CSMD3: variants seen among roughly 807,000 people sequenced by gnomAD.
CSMD3 encodes CUB and Sushi multiple domains 3.
A neutral mutation model predicts 435.2 loss-of-function variants in CSMD3; 177 were observed. The ratio of observed to expected loss-of-function variants is 0.41; its 90% CI spans 0.36 to 0.46. CSMD3 has a LOEUF of 0.46. Ranked by LOEUF, CSMD3 falls within the 20% of genes least tolerant of loss-of-function variation. The pLI, the probability that CSMD3 is intolerant of heterozygous loss-of-function variation, is 0.34. For synonymous variants in CSMD3, 1,656 were observed against 1,520.5 expected (o/e 1.09, Z -2.07); for missense variants, 4,265 against 4,504.6 (o/e 0.95, Z 1.52).
At chr8:112,991,929 A>G (rs2085471255) in intron 6 of CSMD3, among the ~76,000 whole-genome samples, 1 of 151,934 alleles carries the variant, frequency 6.6e-6, no homozygotes, top group African/African-American at 2.4e-5. Context: ...AGAAAGAACA[A>G]TCAGTGTTAA....
At chr8:113,360,153 A>G (rs564159727) in intron 1 of CSMD3, among the ~76,000 whole-genome samples, 172 of 152,266 alleles carry the variant, frequency 1.1e-3, no homozygotes, top group African/African-American at 3.9e-3. Flanking sequence ...TAATGCTTCT[A>G]AACAAGCATC....
intron 54 of CSMD3, among the ~76,000 whole-genome samples, chr8:112,295,381 T>C (rs1369578159): frequency 6.6e-6 from 1 of 152,088 alleles, no homozygotes; most frequent in East Asian, 1.9e-4. Context: ...GCTTCATCAG[T>C]ATATAATCTT....
At chr8:112,504,503 T>C (rs1268112073) in intron 29 of CSMD3, among the ~76,000 whole-genome samples, 2 of 152,134 alleles carry the variant, frequency 1.3e-5, no homozygotes, top group Admixed American at 1.3e-4. Flanking sequence ...AAAGTTGAAA[T>C]ATATTATTTA....
In CSMD3 at chr8:112,492,496, A is replaced by AC; in HGVS notation, c.5270dup (p.Ser1757ArgfsTer31). 6.2e-7 allele frequency: 1 copy of AC among 1,613,282 alleles called. No homozygotes were observed. Among genetic ancestry groups the AC allele is most frequent in the Non-Finnish European group, 8.5e-7 (1 of 1,179,226 alleles). ...AAAAAATATGTTCCTTACCATGACA[A>AC]CTTGGCAAGGCTCTATTCCATCCAG... On this transcript the variant is annotated frameshift_variant, in exon 31 of 71. Coordinates refer to ENST00000297405, the MANE Select transcript of CSMD3 (RefSeq NM_198123.2). LOFTEE classifies it high-confidence loss of function.
intron 5 of CSMD3, among the ~76,000 whole-genome samples, chr8:113,023,060 A>G (rs2086740787): frequency 6.6e-6 from 1 of 152,106 alleles, no homozygotes; most frequent in African/African-American, 2.4e-5. Context: ...CTTTTTTGAT[A>G]AAGTTCATAA....
chr8:113,257,844 G>A (rs113670621), intron 3 of CSMD3, among the ~76,000 whole-genome samples: 16 of 152,176 alleles, frequency 1.1e-4, no homozygotes, highest in African/African-American at 3.9e-4. Context: ...AGTGAAACAT[G>A]AGTCTTTATA....
At chr8:112,875,421 T>A (rs2081255143) in intron 10 of CSMD3, among the ~76,000 whole-genome samples, 3 of 152,116 alleles carry the variant, frequency 2.0e-5, no homozygotes, top group Admixed American at 2.0e-4. Context: ...TCGAGGAGTA[T>A]CTTTGTGGTG....
At chr8:112,308,881 T>C (rs1398946210) in intron 50 of CSMD3, among the ~76,000 whole-genome samples, 1 of 152,022 alleles carries the variant, frequency 6.6e-6, no homozygotes, top group East Asian at 1.9e-4. Flanking sequence ...GACTGAAAAA[T>C]GCAAAACAAG....
intron 18 of CSMD3, 86 bp from the exon 19 acceptor site, chr8:112,650,435 C>T (rs938579815): frequency 1.3e-5 from 14 of 1,054,842 alleles, no homozygotes; most frequent in Non-Finnish European, 1.9e-5. Flanking sequence ...CAAACAATTA[C>T]AAGCAATGAT....
intron 40 of CSMD3, among the ~76,000 whole-genome samples, chr8:112,350,942 T>A (rs1717858896): frequency 6.6e-6 from 1 of 152,032 alleles, no homozygotes; most frequent in Admixed American, 6.6e-5. Flanking sequence ...CATCCACTGA[T>A]ACTGAAGTTG....
At chr8:113,052,476 T>C (rs573102481) in intron 5 of CSMD3, among the ~76,000 whole-genome samples, 1 of 152,322 alleles carries the variant, frequency 6.6e-6, no homozygotes, top group East Asian at 1.9e-4. Context: ...TAAAAAGTTA[T>C]TAATCAAGAT....
At chr8:113,041,643 A>G (rs1436184345) in intron 5 of CSMD3, among the ~76,000 whole-genome samples, 1 of 152,004 alleles carries the variant, frequency 6.6e-6, no homozygotes, top group Non-Finnish European at 1.5e-5. Context: ...TACACTAAGG[A>G]TATTAAACTT....
chr8:112,287,346 G>A (rs552882777), intron 57 of CSMD3, 100 bp from the exon 58 acceptor site: 114 of 1,061,848 alleles, frequency 1.1e-4, no homozygotes, highest in East Asian at 4.5e-4. Flanking sequence ...TTGTGCATGC[G>A]GTGTTTTAGC....
chr8:112,376,964 T>G (rs1829001956), intron 38 of CSMD3, among the ~76,000 whole-genome samples: 1 of 152,152 alleles, frequency 6.6e-6, no homozygotes, highest in African/African-American at 2.4e-5. Flanking sequence ...ACATTTGTGA[T>G]AATTTTATGT....
At chr8:113,390,540 A>T (rs904542028) in intron 1 of CSMD3, among the ~76,000 whole-genome samples, 1 of 151,830 alleles carries the variant, frequency 6.6e-6, no homozygotes, top group African/African-American at 2.4e-5. Flanking sequence ...TATTTCTTCC[A>T]TCACTAGGTT....
At chr8:113,309,005 G>C (rs574665472) in intron 2 of CSMD3, among the ~76,000 whole-genome samples, 4 of 152,178 alleles carry the variant, frequency 2.6e-5, no homozygotes, top group Admixed American at 2.6e-4. Context: ...CTGGAGTGCA[G>C]TGGTGCAGTC....
chr8:112,562,836 A>G (rs1828750654), intron 24 of CSMD3, among the ~76,000 whole-genome samples: 2 of 151,630 alleles, frequency 1.3e-5, no homozygotes, highest in South Asian at 2.1e-4. Context: ...TATCAACTTC[A>G]TTATATCAAC....
intron 32 of CSMD3, among the ~76,000 whole-genome samples, chr8:112,424,747 A>T (rs748896285): frequency 2.0e-5 from 3 of 152,148 alleles, no homozygotes; most frequent in Non-Finnish European, 2.9e-5. Flanking sequence ...GCTGGAGTAC[A>T]GTGGCGTGAT....
intron 10 of CSMD3, among the ~76,000 whole-genome samples, chr8:112,869,060 T>C (rs1315020858): frequency 2.6e-5 from 4 of 152,094 alleles, no homozygotes; most frequent in African/African-American, 9.7e-5. Context: ...GGGATTTTGG[T>C]GGATTCATTT....
Sources: gnomAD v4.1 joint callset for allele counts (sites outside exome capture counted in the v4.1 genomes callset) on GRCh38, gnomAD v4.1.1 for gene constraint, MANE v1.5 for transcripts, NCBI Gene and HGNC (gene_info 2026-07-23, HGNC 2026-07-21) for gene names.